The following ACBD6 variants were observed in gnomAD, a reference collection of about 807,000 sequenced individuals.
ACBD6 encodes acyl-CoA binding domain containing 6.
A neutral mutation model predicts 37.2 loss-of-function variants in ACBD6; 28 were observed. The observed-to-expected ratio is 0.75, with a 90% confidence interval of 0.56 to 1.03. The LOEUF is 1.03. Ranked by LOEUF, ACBD6 falls within the 50% of genes least tolerant of loss-of-function variation. The pLI is 0.00. For missense variants in ACBD6, 340 were observed against 337.4 expected, an observed-to-expected ratio of 1.01 and a Z score of -0.06; for synonymous variants, 113 against 126.8, an observed-to-expected ratio of 0.89 and a Z score of 0.73.
intron 7 of ACBD6, among the ~76,000 whole-genome samples, chr1:180,306,163 G>A (rs1438189144): frequency 1.3e-5 from 2 of 151,042 alleles, no homozygotes; most frequent in African/African-American, 4.9e-5. Flanking sequence ...ATGAGTTGAT[G>A]GGTGCAGCAC....
chr1:180,334,398 C>A (rs1651617474), intron 6 of ACBD6, among the ~76,000 whole-genome samples: 1 of 152,200 alleles, frequency 6.6e-6, no homozygotes, highest in Admixed American at 6.5e-5. Flanking sequence ...GATACCCAGG[C>A]AAACAGGGTC....
chr1:180,493,261 A>AC (rs1557893753), intron 2 of ACBD6, among the ~76,000 whole-genome samples: 1 of 141,078 alleles, frequency 7.1e-6, no homozygotes, highest in Non-Finnish European at 1.5e-5. Context: ...AAAAAAAAAA[A>AC]AAAAAAAAAA....
At chr1:180,434,942 C>T in intron 3 of ACBD6, 1 of 790,124 alleles carries the variant, frequency 1.3e-6, no homozygotes, top group Non-Finnish European at 2.3e-6. Context: ...ACATTGAGAC[C>T]ACCAAAGTCA....
chr1:180,290,240 G>A (rs970888288), intron 7 of ACBD6, among the ~76,000 whole-genome samples: 1 of 152,146 alleles, frequency 6.6e-6, no homozygotes, highest in Non-Finnish European at 1.5e-5. Context: ...CCAACCTGGA[G>A]TGCAGTGGCG....
chr1:180,270,462 G>T, exon 14 of ACBD6: 1 of 152,264 alleles, frequency 6.6e-6, no homozygotes. Context: ...TGCTGGGAGA[G>T]GAAACAAACC....
At chr1:180,392,306 C>T (rs941826326) in intron 6 of ACBD6, among the ~76,000 whole-genome samples, 17 of 151,620 alleles carry the variant, frequency 1.1e-4, no homozygotes, top group African/African-American at 2.4e-4. Context: ...ACACACTGTG[C>T]TGTATCCTTA....
intron 6 of ACBD6, among the ~76,000 whole-genome samples, chr1:180,317,516 TACC>T (rs1289480235): frequency 6.6e-6 from 1 of 152,124 alleles, no homozygotes; most frequent in Non-Finnish European, 1.5e-5. Flanking sequence ...AAATATATTT[TACC>T]ACAATAAAAA....
chr1:180,487,732 T>C (rs57070632), intron 3 of ACBD6, among the ~76,000 whole-genome samples: 14,076 of 152,146 alleles, frequency 0.093, 870 homozygotes, highest in African/African-American at 0.16. Context: ...CTAAGGTCTA[T>C]AGTAAGAACA....
At chr1:180,318,963 T>A (rs1448481105) in intron 6 of ACBD6, among the ~76,000 whole-genome samples, 2 of 152,240 alleles carry the variant, frequency 1.3e-5, no homozygotes, top group Non-Finnish European at 2.9e-5. Flanking sequence ...TAAGCTTGTC[T>A]ATGCATTTAA....
At chr1:180,356,508 A>G (rs1652634845) in intron 6 of ACBD6, among the ~76,000 whole-genome samples, 1 of 151,938 alleles carries the variant, frequency 6.6e-6, no homozygotes, top group African/African-American at 2.4e-5. Flanking sequence ...TCGTATATAC[A>G]GGAAGTTTAG....
chr1:180,287,287 G>C (rs913075038), downstream of ACBD6: 1 of 151,872 alleles, frequency 6.6e-6, no homozygotes, highest in Non-Finnish European at 1.5e-5. Flanking sequence ...TGTAGTCCCA[G>C]CTATCTCAGC....
chr1:180,319,774 C>T (rs776229742), intron 6 of ACBD6, among the ~76,000 whole-genome samples: 2 of 152,154 alleles, frequency 1.3e-5, no homozygotes, highest in Non-Finnish European at 2.9e-5. Context: ...CTGTGCATGG[C>T]TTATTTCACT....
chr1:180,302,140 C>A (rs182957936), intron 7 of ACBD6, among the ~76,000 whole-genome samples: 209 of 151,840 alleles, frequency 1.4e-3, no homozygotes, highest in African/African-American at 4.8e-3. Flanking sequence ...ACATATGTAA[C>A]AAACCTGCAT....
rs771109452 is a variant in ACBD6, at chr1:180,271,949, GAGA to G, written c.*1273_*1275del. ...GAGGAGCCGGGGCAGCAGCAAGCAG[GAGA>G]AGGAGAGCTCTGCAGAGGACTGTGG... On this transcript the variant is annotated 3_prime_UTR_variant, in exon 14 of 14. Coordinates refer to the ACBD6 transcript ENST00000642319. The G allele has an allele frequency of 1.2e-4, 194 of 1,613,294 alleles. No homozygotes were observed. Among genetic ancestry groups the G allele is most frequent in the Admixed American group, 2.5e-4 (15 of 59,946 alleles).
intron 3 of ACBD6, among the ~76,000 whole-genome samples, chr1:180,451,133 C>T (rs1340062644): frequency 1.3e-5 from 2 of 152,092 alleles, no homozygotes; most frequent in Non-Finnish European, 2.9e-5. Context: ...TACAAATGGC[C>T]AATGTGTACA....
chr1:180,330,037 C>A (rs1173977774), intron 6 of ACBD6, among the ~76,000 whole-genome samples: 1 of 152,156 alleles, frequency 6.6e-6, no homozygotes, highest in Non-Finnish European at 1.5e-5. Flanking sequence ...TTCCAAAAAG[C>A]TGACAAAATA....
intron 7 of ACBD6, among the ~76,000 whole-genome samples, chr1:180,299,621 T>A (rs1284793014): frequency 6.6e-6 from 1 of 151,856 alleles, no homozygotes; most frequent in Non-Finnish European, 1.5e-5. Context: ...CCTGTAACAG[T>A]GTGGAGGTAA....
chr1:180,359,879 T>C (rs1488777337), intron 6 of ACBD6, among the ~76,000 whole-genome samples: 1 of 152,192 alleles, frequency 6.6e-6, no homozygotes, highest in African/African-American at 2.4e-5. Context: ...AAGACCATTA[T>C]GTCAATTCTA....
intron 6 of ACBD6, among the ~76,000 whole-genome samples, chr1:180,357,555 A>C (rs1217537979): frequency 6.6e-6 from 1 of 152,242 alleles, no homozygotes; most frequent in Non-Finnish European, 1.5e-5. Context: ...TCCAACTAAG[A>C]GAAGAAAGGA....
Sources: allele counts gnomAD v4.1 joint callset (sites outside exome capture counted in the v4.1 genomes callset), GRCh38; gene constraint gnomAD v4.1.1; transcripts MANE v1.5; gene names NCBI Gene and HGNC (gene_info 2026-07-23, HGNC 2026-07-21).